The following COP1 variants were observed in gnomAD, a reference collection of about 807,000 sequenced individuals.
The protein encoded by COP1 is COP1 E3 ubiquitin ligase, also known as E3 ubiquitin-protein ligase COP1.
Under a neutral mutation model 101.3 loss-of-function variants are expected in COP1, and 24 were observed. The observed-to-expected ratio is 0.24, with a 90% confidence interval of 0.17 to 0.33. COP1 has a LOEUF of 0.33. COP1 is among the 10% of genes least tolerant of loss of function. The probability of loss-of-function intolerance (pLI) is 1.00; values close to 1 mark genes in which losing one functional copy is unlikely to be tolerated. For synonymous variants in COP1, 347 were observed against 341.9 expected (o/e 1.01, Z -0.17); for missense variants, 663 against 906.2 (o/e 0.73, Z 3.45).
At chr1:176,038,723 C>G (rs929521767) in intron 14 of COP1, among the ~76,000 whole-genome samples, 3 of 151,684 alleles carry the variant, frequency 2.0e-5, no homozygotes, top group Admixed American at 2.0e-4. Flanking sequence ...GAGGCTGAGG[C>G]AGGAGAATCG....
intron 7 of COP1, 55 bp from the exon 8 acceptor site, chr1:176,135,141 A>C: frequency 8.3e-7 from 1 of 1,198,852 alleles, no homozygotes; most frequent in Non-Finnish European, 1.2e-6. Context: ...AGATATATAA[A>C]TCAAAAAGAG....
At position 176,149,779 on chromosome 1, in the gene COP1, G is replaced by A. The variant is rs186066951; in HGVS notation, c.763-705C>T. Among the ~76,000 whole-genome samples the A allele has an allele frequency of 3.1e-3, 477 of 151,986 alleles. 1 individual carries two copies. The highest frequency in any genetic ancestry group is 5.3e-3 in the Non-Finnish European group (362 of 67,912). On this transcript the variant is annotated intron_variant, in intron 5 of 19. Transcript: ENST00000367669. ...TATCATTTACTGTTAAAATTCACAA[G>A]AACCAGGAATTCCAGGTTAATCTGA...
intron 2 of COP1, 113 bp from the exon 3 acceptor site, chr1:176,176,120 T>G: frequency 1.7e-6 from 1 of 584,468 alleles, no homozygotes; most frequent in South Asian, 2.3e-5. Flanking sequence ...ATAACTAATC[T>G]AATAAATTTA....
chr1:176,049,611 C>T (rs1672191903), intron 11 of COP1, among the ~76,000 whole-genome samples: 1 of 151,976 alleles, frequency 6.6e-6, no homozygotes, highest in African/African-American at 2.4e-5. Context: ...GAAGAACTTC[C>T]ACATCACTAA....
chr1:176,010,332 C>T (rs1436402251), intron 15 of COP1, among the ~76,000 whole-genome samples: 1 of 152,114 alleles, frequency 6.6e-6, no homozygotes, highest in Non-Finnish European at 1.5e-5. Context: ...ATATAATATA[C>T]AATGCATCCT....
chr1:176,188,778 CCT>C (rs970529191), intron 1 of COP1, among the ~76,000 whole-genome samples: 43 of 151,956 alleles, frequency 2.8e-4, no homozygotes, highest in African/African-American at 8.7e-4. Flanking sequence ...CTATTTCCCC[CCT>C]CTCTTCCTCT....
At chr1:176,036,514 A>C (rs1669578644) in intron 14 of COP1, among the ~76,000 whole-genome samples, 1 of 149,786 alleles carries the variant, frequency 6.7e-6, no homozygotes, top group African/African-American at 2.5e-5. Context: ...AAACAAAAAA[A>C]AAAAAAAAAA....
intron 15 of COP1, among the ~76,000 whole-genome samples, chr1:176,021,410 C>T (rs1266806372): frequency 6.6e-6 from 1 of 152,132 alleles, no homozygotes; most frequent in Admixed American, 6.5e-5. Context: ...AAAGATACTA[C>T]ATATTTATTT....
At chr1:176,150,576 C>T (rs929623419) in intron 5 of COP1, among the ~76,000 whole-genome samples, 2 of 152,074 alleles carry the variant, frequency 1.3e-5, no homozygotes, top group African/African-American at 2.4e-5. Flanking sequence ...TAACTATCTA[C>T]GATTATTTGT....
At chr1:176,002,131 T>A (rs774364442) in intron 15 of COP1, among the ~76,000 whole-genome samples, 1 of 152,006 alleles carries the variant, frequency 6.6e-6, no homozygotes, top group Non-Finnish European at 1.5e-5. Flanking sequence ...ATGTTTTCCA[T>A]CCAATTTGCA....
intron 18 of COP1, among the ~76,000 whole-genome samples, chr1:175,979,867 T>C (rs959030971): frequency 2.6e-5 from 4 of 152,128 alleles, no homozygotes; most frequent in East Asian, 1.9e-4. Flanking sequence ...CATTTAATTA[T>C]GCAACAGAAA....
intron 15 of COP1, among the ~76,000 whole-genome samples, chr1:176,006,605 C>G (rs549171706): frequency 6.6e-6 from 1 of 152,028 alleles, no homozygotes; most frequent in Non-Finnish European, 1.5e-5. Flanking sequence ...CCTTTGCTTA[C>G]GAAGCTTAGT....
At chr1:176,037,546 T>TGA (rs1238186208) in intron 14 of COP1, among the ~76,000 whole-genome samples, 1 of 149,836 alleles carries the variant, frequency 6.7e-6, no homozygotes, top group Non-Finnish European at 1.5e-5. Context: ...ATTCACCCTC[T>TGA]GAAAAAAACA....
At chr1:176,028,696 C>CAT (rs369887649) in intron 14 of COP1, among the ~76,000 whole-genome samples, 4,633 of 47,856 alleles carry the variant, frequency 0.097, 377 homozygotes, top group Middle Eastern at 0.15. Flanking sequence ...ATATTTGTTT[C>CAT]ATATATATAT....
At chr1:175,965,324 A>C (rs1451009650) in intron 18 of COP1, among the ~76,000 whole-genome samples, 3 of 152,164 alleles carry the variant, frequency 2.0e-5, no homozygotes, top group Admixed American at 1.3e-4. Context: ...CTTGAGAAGA[A>C]ATACAGATAT....
At chr1:175,995,417 C>G (rs564672821) in intron 15 of COP1, among the ~76,000 whole-genome samples, 206 of 151,904 alleles carry the variant, frequency 1.4e-3, no homozygotes, top group Middle Eastern at 3.4e-3. Flanking sequence ...GAAGGAAATA[C>G]AGACACAAAA....
intron 3 of COP1, among the ~76,000 whole-genome samples, chr1:176,173,757 G>A (rs527696350): frequency 2.0e-5 from 3 of 151,932 alleles, no homozygotes; most frequent in African/African-American, 2.4e-5. Flanking sequence ...GGAGGCTGAG[G>A]CGGGAGGATC....
intron 15 of COP1, among the ~76,000 whole-genome samples, chr1:176,009,845 A>T (rs1182814266): frequency 3.0e-5 from 4 of 133,466 alleles, no homozygotes; most frequent in Non-Finnish European, 4.7e-5. Flanking sequence ...TTGTAATAAC[A>T]TTATGATGTT....
intron 1 of COP1, among the ~76,000 whole-genome samples, chr1:176,185,429 T>C (rs900482472): frequency 2.6e-5 from 4 of 151,874 alleles, no homozygotes; most frequent in Non-Finnish European, 5.9e-5. Flanking sequence ...TGTAATCCTC[T>C]TCTGCCCTCT....
Sources: allele counts gnomAD v4.1 joint callset (sites outside exome capture counted in the v4.1 genomes callset), GRCh38; gene constraint gnomAD v4.1.1; transcripts MANE v1.5; gene names NCBI Gene and HGNC (gene_info 2026-07-23, HGNC 2026-07-21).